Variants in DOCK3 observed in about 807,000 individuals in gnomAD.
The protein encoded by DOCK3 is dedicator of cytokinesis 3, also known as dedicator of cytokinesis protein 3.
DOCK3 carries 60 observed loss-of-function variants against 265.6 expected under a neutral mutation model. The observed-to-expected ratio is 0.23, with a 90% confidence interval of 0.18 to 0.28. The LOEUF (loss-of-function observed/expected upper bound fraction) is 0.28. Ranked by LOEUF, DOCK3 falls within the 10% of genes least tolerant of loss-of-function variation. The pLI, the probability that DOCK3 is intolerant of heterozygous loss-of-function variation, is 1.00. For missense variants in DOCK3, 1,981 were observed against 2,594.3 expected (o/e 0.76, Z 5.14); for synonymous variants, 881 against 938.0 (o/e 0.94, Z 1.11).
At chr3:51,108,874 A>G (rs2083398757) in intron 9 of DOCK3, among the ~76,000 whole-genome samples, 1 of 152,204 alleles carries the variant, frequency 6.6e-6, no homozygotes, top group South Asian at 2.1e-4. Flanking sequence ...GGAGCACTCA[A>G]ATTCATAAAG....
intron 5 of DOCK3, among the ~76,000 whole-genome samples, chr3:50,954,109 C>T (rs1457350018): frequency 1.3e-5 from 2 of 152,036 alleles, no homozygotes; most frequent in South Asian, 2.1e-4. Context: ...ATTAACCCCA[C>T]GTTTCTCCCT....
intron 4 of DOCK3, among the ~76,000 whole-genome samples, chr3:50,892,262 A>C (rs1400842723): frequency 6.6e-6 from 1 of 152,090 alleles, no homozygotes; most frequent in Non-Finnish European, 1.5e-5. Context: ...ATAGAGCCCA[A>C]CCAGAAAATA....
At chr3:50,978,962 C>G (rs1396447717) in intron 5 of DOCK3, among the ~76,000 whole-genome samples, 1 of 152,220 alleles carries the variant, frequency 6.6e-6, no homozygotes, top group Non-Finnish European at 1.5e-5. Flanking sequence ...TCCCTGACCC[C>G]TTGCGCTTCC....
At chr3:50,993,213 C>T (rs1166902225) in intron 5 of DOCK3, among the ~76,000 whole-genome samples, 1 of 152,166 alleles carries the variant, frequency 6.6e-6, no homozygotes, top group Non-Finnish European at 1.5e-5. Context: ...TATCTGTCCC[C>T]TTGGCTAAAA....
At chr3:51,222,273 G>T (rs2090133937) in intron 14 of DOCK3, among the ~76,000 whole-genome samples, 1 of 152,176 alleles carries the variant, frequency 6.6e-6, no homozygotes, top group South Asian at 2.1e-4. Context: ...TGGAAGCAGA[G>T]CCTTAACCCA....
intron 27 of DOCK3, among the ~76,000 whole-genome samples, chr3:51,293,456 A>T (rs1326960107): frequency 6.6e-6 from 1 of 152,090 alleles, no homozygotes. Flanking sequence ...CCTTTATCTC[A>T]CCCCCCTATA....
At chr3:50,938,994 G>A (rs1263186315) in intron 5 of DOCK3, among the ~76,000 whole-genome samples, 1 of 151,176 alleles carries the variant, frequency 6.6e-6, no homozygotes, top group Non-Finnish European at 1.5e-5. Context: ...GAAAATCAAA[G>A]CAAAAACTGG....
chr3:51,295,294 T>C (rs1024508390), intron 27 of DOCK3, among the ~76,000 whole-genome samples: 1 of 152,234 alleles, frequency 6.6e-6, no homozygotes, highest in Non-Finnish European at 1.5e-5. Context: ...TGCAGAGATA[T>C]CATGGTGAGA....
At chr3:50,725,390 GA>G (rs2037754581) in intron 1 of DOCK3, among the ~76,000 whole-genome samples, 1 of 152,084 alleles carries the variant, frequency 6.6e-6, no homozygotes, top group Non-Finnish European at 1.5e-5. Flanking sequence ...TAGTAAAAGA[GA>G]CAAGTGAAAT....
Position 51,187,511 on chromosome 3 carries a change from C to G in DOCK3, c.1038-21263C>G, listed in dbSNP as rs146472288. ...AGACTTTGGGGGACTGTTGGGATGG[C>G]ATGGGTGGTTTTGAAATGTGAAGAT... On this transcript the variant is annotated intron_variant, in intron 12 of 52. Transcript: ENST00000266037. 3.4e-4 allele frequency among the ~76,000 whole-genome samples: 52 copies of G among 152,178 alleles called. No homozygotes were observed. In the East Asian group the frequency reaches 6.4e-3, roughly 19 times the overall value.
chr3:51,028,318 A>G (rs1237824233), intron 5 of DOCK3, among the ~76,000 whole-genome samples: 4 of 151,854 alleles, frequency 2.6e-5, no homozygotes, highest in South Asian at 2.1e-4. Context: ...AATTCCTTTT[A>G]TAGATAATTT....
chr3:50,784,857 A>C (rs1332800098), intron 2 of DOCK3, among the ~76,000 whole-genome samples: 2 of 152,212 alleles, frequency 1.3e-5, no homozygotes, highest in African/African-American at 4.8e-5. Flanking sequence ...ATTTGTGCAC[A>C]TCAATTTTGC....
At chr3:51,238,638 T>C (rs144332099) in intron 21 of DOCK3, among the ~76,000 whole-genome samples, 1 of 152,198 alleles carries the variant, frequency 6.6e-6, no homozygotes, top group East Asian at 1.9e-4. Flanking sequence ...GGCCTCGGTG[T>C]GTTTTGTTCC....
rs571116876 is a variant in DOCK3 at position 50,946,599 on chromosome 3, A to T, written c.315+12522A>T. Among the ~76,000 whole-genome samples the T allele has an allele frequency of 1.5e-3, 221 of 152,300 alleles. 2 individuals are homozygous for T. Among genetic ancestry groups the T allele is most frequent in the East Asian group, 7.9e-3 (41 of 5,190 alleles). ...TAGGTAGGCAGTGTGTACAGCTAAA[A>T]AGTATTCATCTTTCCTGACTCCCTT... On this transcript the variant is annotated intron_variant, in intron 5 of 52. Coordinates refer to ENST00000266037, the MANE Select transcript of DOCK3 (RefSeq NM_004947.5).
chr3:50,714,975 G>A (rs936406), intron 1 of DOCK3, among the ~76,000 whole-genome samples: 137,894 of 152,276 alleles, frequency 0.91, 62,594 homozygotes, highest in African/African-American at 0.95. Flanking sequence ...TCTGCCACAT[G>A]CACCCACTGA....
intron 2 of DOCK3, among the ~76,000 whole-genome samples, chr3:50,822,352 G>C (rs1218878323): frequency 6.6e-6 from 1 of 151,752 alleles, no homozygotes; most frequent in Admixed American, 6.6e-5. Flanking sequence ...TTTGTACATC[G>C]ATTTTGTATC....
rs566659564 is a variant in DOCK3, at chr3:51,278,394, G to A, written c.2823+640G>A. ...TAGACTTACTTCTCAGCCCTGAGGTGGGGATGTGATAAACAGTTTTCGTGG... is the reference window on the plus strand; with the variant it reads ...TAGACTTACTTCTCAGCCCTGAGGTAGGGATGTGATAAACAGTTTTCGTGG... On this transcript the variant is annotated intron_variant, in intron 26 of 52. Transcript: ENST00000266037. The A allele has an allele frequency of 2.1e-4, 206 of 985,334 alleles. 1 individual carries two copies. In the African/African-American group the frequency reaches 3.5e-3, roughly 17 times the overall value. 61.0% of individuals were successfully genotyped at this position (985,334 alleles called of 1,614,324 possible).
At chr3:50,999,267 A>G (rs148479038) in intron 5 of DOCK3, among the ~76,000 whole-genome samples, 1 of 152,326 alleles carries the variant, frequency 6.6e-6, no homozygotes, top group African/African-American at 2.4e-5. Flanking sequence ...CTTGATTTGA[A>G]ATTTCCAAAG....
chr3:50,698,201 C>T (rs1278105739), intron 1 of DOCK3, among the ~76,000 whole-genome samples: 2 of 152,084 alleles, frequency 1.3e-5, no homozygotes, highest in Non-Finnish European at 2.9e-5. Context: ...CCCACCCGGG[C>T]ACCCCCTAAT....
Sources: gnomAD v4.1 joint callset for allele counts (sites outside exome capture counted in the v4.1 genomes callset) on GRCh38, gnomAD v4.1.1 for gene constraint, MANE v1.5 for transcripts, NCBI Gene and HGNC (gene_info 2026-07-23, HGNC 2026-07-21) for gene names.